Variants in CNTN4 observed in about 807,000 individuals in gnomAD.
CNTN4 encodes the protein contactin 4, also known as contactin-4.
Under a neutral mutation model 122.5 loss-of-function variants are expected in CNTN4, and 77 were observed. The ratio of observed to expected loss-of-function variants is 0.63; its 90% CI spans 0.52 to 0.76. CNTN4 has a LOEUF of 0.76. Among genes scored for constraint, CNTN4 ranks in the 30% least tolerant of loss-of-function variants. The pLI is 0.00. For synonymous variants in CNTN4, 512 were observed against 447.0 expected, an observed-to-expected ratio of 1.15 and a Z score of -1.83; for missense variants, 1,256 against 1,259.1, an observed-to-expected ratio of 1.00 and a Z score of 0.04.
intron 4 of CNTN4, among the ~76,000 whole-genome samples, chr3:2,720,638 TTAGA>T (rs2087791369): frequency 6.6e-6 from 1 of 152,202 alleles, no homozygotes; most frequent in African/African-American, 2.4e-5. Context: ...TTCCTATCTA[TTAGA>T]TAAACACTAA....
intron 3 of CNTN4, among the ~76,000 whole-genome samples, chr3:2,389,619 C>T (rs776963719): frequency 6.6e-6 from 1 of 152,020 alleles, no homozygotes; most frequent in Non-Finnish European, 1.5e-5. Flanking sequence ...GTCTATCTCC[C>T]TTGAGAAAAT....
intron 3 of CNTN4, among the ~76,000 whole-genome samples, chr3:2,394,784 G>GCTT (rs2046577046): frequency 9.2e-6 from 1 of 108,488 alleles, no homozygotes; most frequent in South Asian, 3.3e-4. Flanking sequence ...CCTTATATTA[G>GCTT]TTTTTTTTTT....
At chr3:2,107,707 G>C (rs9866993) in intron 2 of CNTN4, among the ~76,000 whole-genome samples, 34,872 of 151,982 alleles carry the variant, frequency 0.23, 4,126 homozygotes, top group East Asian at 0.45. Flanking sequence ...GGATTTGTAT[G>C]ACTTAAAGTG....
At chr3:2,842,391 C>G (rs2093378106) in intron 7 of CNTN4, among the ~76,000 whole-genome samples, 1 of 152,192 alleles carries the variant, frequency 6.6e-6, no homozygotes, top group Non-Finnish European at 1.5e-5. Flanking sequence ...TGCATTCCCT[C>G]TCACCCACTC....
At chr3:2,187,318 T>C (rs1227871194) in intron 2 of CNTN4, among the ~76,000 whole-genome samples, 1 of 152,192 alleles carries the variant, frequency 6.6e-6, no homozygotes, top group East Asian at 1.9e-4. Flanking sequence ...CCATGCTGTT[T>C]TGGTTACTAT....
intron 4 of CNTN4, among the ~76,000 whole-genome samples, chr3:2,734,582 G>C (rs1353467220): frequency 2.0e-5 from 3 of 151,126 alleles, no homozygotes; most frequent in African/African-American, 4.9e-5. Flanking sequence ...CCAGTAATAA[G>C]ATAGAATTCT....
chr3:2,302,363 G>A (rs1476287826), intron 2 of CNTN4, among the ~76,000 whole-genome samples: 2 of 152,178 alleles, frequency 1.3e-5, no homozygotes, highest in Non-Finnish European at 2.9e-5. Context: ...AGGAGGTGGA[G>A]TTTACAGTGA....
intron 14 of CNTN4, among the ~76,000 whole-genome samples, chr3:3,023,032 G>T (rs1045073068): frequency 3.3e-5 from 5 of 152,126 alleles, no homozygotes. Context: ...TAAAACCAAA[G>T]GAGAGGAGAC....
chr3:2,611,992 A>T (rs1350498746), intron 4 of CNTN4, among the ~76,000 whole-genome samples: 1 of 114,700 alleles, frequency 8.7e-6, no homozygotes, highest in South Asian at 2.7e-4. Flanking sequence ...GCATTCATGA[A>T]GATTCTTACA....
At chr3:2,327,687 T>C (rs184258786) in intron 2 of CNTN4, among the ~76,000 whole-genome samples, 81 of 152,316 alleles carry the variant, frequency 5.3e-4, no homozygotes, top group Admixed American at 1.2e-3. Context: ...CATTCTTTAG[T>C]GCAGTGGTGG....
chr3:2,580,437 A>C (rs2079884265), intron 4 of CNTN4, among the ~76,000 whole-genome samples: 1 of 152,174 alleles, frequency 6.6e-6, no homozygotes, highest in African/African-American at 2.4e-5. Flanking sequence ...AACTTTGTAA[A>C]TGCATTTTGC....
chr3:2,876,868 T>C (rs1168912788), intron 8 of CNTN4, among the ~76,000 whole-genome samples: 3 of 152,178 alleles, frequency 2.0e-5, no homozygotes, highest in Non-Finnish European at 2.9e-5. Flanking sequence ...CCTTAAGATA[T>C]GTTTATTAAT....
chr3:2,995,177 G>C (rs1267139019), intron 14 of CNTN4, among the ~76,000 whole-genome samples: 1 of 151,990 alleles, frequency 6.6e-6, no homozygotes, highest in Non-Finnish European at 1.5e-5. Context: ...CCTGGAGTTG[G>C]TACCAGCTAT....
intron 4 of CNTN4, among the ~76,000 whole-genome samples, chr3:2,575,522 A>AGGAAGGCGG (rs1275961109): frequency 1.5e-3 from 233 of 152,054 alleles, no homozygotes; most frequent in African/African-American, 5.0e-3. Flanking sequence ...AAGGAAGGCA[A>AGGAAGGCGG]GGAAGAAAGA....
intron 14 of CNTN4, among the ~76,000 whole-genome samples, chr3:3,007,406 G>A (rs913492590): frequency 3.3e-5 from 5 of 152,154 alleles, no homozygotes; most frequent in African/African-American, 1.2e-4. Context: ...TTTCTATAAT[G>A]CCAGTGGATT....
intron 4 of CNTN4, among the ~76,000 whole-genome samples, chr3:2,690,381 C>G (rs2085666899): frequency 1.3e-5 from 2 of 152,124 alleles, no homozygotes; most frequent in African/African-American, 4.8e-5. Context: ...TCAGAATGAG[C>G]ATGATCTTTG....
chr3:2,149,305 C>CACTTCCA (rs1390893489), intron 2 of CNTN4, among the ~76,000 whole-genome samples: 1 of 152,148 alleles, frequency 6.6e-6, no homozygotes, highest in Non-Finnish European at 1.5e-5. Context: ...AAGGGGTACA[C>CACTTCCA]ACTTCCATTT....
chr3:2,532,746 T>C (rs186533899), intron 3 of CNTN4, among the ~76,000 whole-genome samples: 2 of 152,298 alleles, frequency 1.3e-5, no homozygotes, highest in African/African-American at 4.8e-5. Context: ...AAAGTAACTA[T>C]AGCAGTCTTC....
chr3:3,011,131 G>A (rs56139333), intron 14 of CNTN4, among the ~76,000 whole-genome samples: 9,958 of 152,216 alleles, frequency 0.065, 517 homozygotes, highest in Non-Finnish European at 0.088. Context: ...AGCCTCAGGA[G>A]AATTATAAGA....
Sources: allele counts gnomAD v4.1 joint callset (sites outside exome capture counted in the v4.1 genomes callset), GRCh38; gene constraint gnomAD v4.1.1; transcripts MANE v1.5; gene names NCBI Gene and HGNC (gene_info 2026-07-23, HGNC 2026-07-21).